Variants in JAKMIP3 observed in about 807,000 individuals in gnomAD.
JAKMIP3 encodes the protein janus kinase and microtubule-interacting protein 3.
JAKMIP3 carries 58 observed loss-of-function variants against 118.5 expected under a neutral mutation model. That is an observed-to-expected ratio of 0.49 (90% CI 0.40 to 0.61). JAKMIP3 has a LOEUF of 0.61. Ranked by LOEUF, JAKMIP3 falls within the 20% of genes least tolerant of loss-of-function variation. The probability of loss-of-function intolerance (pLI) is 0.00; values close to 1 mark genes in which losing one functional copy is unlikely to be tolerated. For missense variants in JAKMIP3, 950 were observed against 1,109.0 expected (o/e 0.86, Z 2.04); for synonymous variants, 486 against 451.2 (o/e 1.08, Z -0.98).
chr10:132,180,748 C>CGCGTGT (rs1554963413), intron 23 of JAKMIP3, among the ~76,000 whole-genome samples: 4 of 8,322 alleles, frequency 4.8e-4, no homozygotes, highest in Non-Finnish European at 7.8e-4. Flanking sequence ...CGTGCGTGCG[C>CGCGTGT]GCGCGTGTGT....
intron 5 of JAKMIP3, among the ~76,000 whole-genome samples, chr10:132,135,717 G>C (rs558393522): frequency 6.6e-6 from 1 of 152,194 alleles, no homozygotes; most frequent in African/African-American, 2.4e-5. Flanking sequence ...GGTTCACCTG[G>C]GCACTGGACG....
intron 1 of JAKMIP3, among the ~76,000 whole-genome samples, chr10:132,079,718 C>T (rs1043307431): frequency 6.6e-6 from 1 of 152,198 alleles, no homozygotes; most frequent in African/African-American, 2.4e-5. Context: ...AAAACTGAAA[C>T]TCTGTCCCCA....
At position 132,098,004 on chromosome 10, in the gene JAKMIP3, C is replaced by CTTTCCT. The variant is rs1199956471; in HGVS notation, c.-137-6667_-137-6666insTTCCTT. On this transcript the variant is annotated intron_variant, in intron 1 of 23. Coordinates refer to ENST00000684848, the MANE Select transcript of JAKMIP3 (RefSeq NM_001323087.2). ...CCTTCCCCTTCCCCTTCCCCTTCCCCTCCTTCCTTTTTTTTTTCTTTCTTC... is the reference window on the plus strand; with the variant it reads ...CCTTCCCCTTCCCCTTCCCCTTCCCCTTTCCTTCCTTCCTTTTTTTTTTCTTTCTTC... Among the ~76,000 whole-genome samples, 42 of 49,216 alleles carry CTTTCCT rather than the reference C, an allele frequency of 8.5e-4. 13 individuals are homozygous for CTTTCCT. Among genetic ancestry groups the CTTTCCT allele is most frequent in the Middle Eastern group, 9.3e-3 (1 of 108 alleles). 32.3% of individuals were successfully genotyped at this position (49,216 alleles called of 152,430 possible). A position where few individuals can be genotyped will look rare whatever the true frequency, so the allele number is the denominator to read the frequency against.
chr10:132,134,957 T>C, intron 4 of JAKMIP3, 84 bp from the exon 5 acceptor site: 1 of 1,539,332 alleles, frequency 6.5e-7, no homozygotes. Flanking sequence ...GGCAGCGTTT[T>C]TGTTCCCGTA....
chr10:132,105,638 A>T (rs2045788205), intron 2 of JAKMIP3, among the ~76,000 whole-genome samples: 1 of 152,108 alleles, frequency 6.6e-6, no homozygotes, highest in Non-Finnish European at 1.5e-5. Flanking sequence ...CTCTAGCATG[A>T]CCTTTGCCCT....
At chr10:132,097,967 T>TC (rs2044223491) in intron 1 of JAKMIP3, among the ~76,000 whole-genome samples, 1 of 22,616 alleles carries the variant, frequency 4.4e-5, no homozygotes, top group African/African-American at 1.2e-4. Flanking sequence ...TTCCCTTTCC[T>TC]TCCTTTTCTC....
chr10:132,143,555 T>A (rs1254373624), intron 11 of JAKMIP3, among the ~76,000 whole-genome samples: 1 of 83,878 alleles, frequency 1.2e-5, no homozygotes, highest in Non-Finnish European at 3.4e-5. Flanking sequence ...TAAAAAAAAG[T>A]TTAATGTCAT....
chr10:132,041,991 C>G (rs528752090), intron 1 of JAKMIP3, among the ~76,000 whole-genome samples: 2 of 151,920 alleles, frequency 1.3e-5, no homozygotes, highest in Admixed American at 6.5e-5. Flanking sequence ...CTCAGCCTCC[C>G]GAATAGCTGG....
rs556123152 is a variant in JAKMIP3, at chr10:132,133,212, G to A, written c.634-100G>A. On this transcript the variant is annotated intron_variant, in intron 3 of 23. Transcript: ENST00000684848. ...TCCAGGATGCTTCGCTTTTGCTTCC[G>A]GTCTCAGAGCCCAGAGCCTGGCAGG... 110 of 1,048,208 alleles carry A rather than the reference G, an allele frequency of 1.0e-4. No individual in the cohort carries two copies. In the East Asian group the frequency reaches 1.4e-3, roughly 13 times the overall value. 64.9% of individuals were successfully genotyped at this position (1,048,208 alleles called of 1,614,324 possible).
At chr10:132,106,379 C>T (rs76675060) in intron 2 of JAKMIP3, among the ~76,000 whole-genome samples, 14,615 of 151,500 alleles carry the variant, frequency 0.096, 821 homozygotes, top group East Asian at 0.27. Context: ...CCCACAGCTG[C>T]ACCTGCTCAT....
intron 23 of JAKMIP3, among the ~76,000 whole-genome samples, chr10:132,180,648 T>TGTGC (rs1396437783): frequency 1.2e-4 from 3 of 25,130 alleles, no homozygotes; most frequent in South Asian, 1.3e-3. Context: ...CGTGTGTGCG[T>TGTGC]GTGCGTGTGC....
At chr10:132,161,051 G>A (rs2058171446) in intron 19 of JAKMIP3, among the ~76,000 whole-genome samples, 1 of 126,476 alleles carries the variant, frequency 7.9e-6, no homozygotes, top group Non-Finnish European at 1.7e-5. Context: ...GTGATGCTGG[G>A]GGCGTGTCTT....
chr10:132,042,936 A>AAAAAT (rs1175400657), intron 1 of JAKMIP3, among the ~76,000 whole-genome samples: 1 of 51,088 alleles, frequency 2.0e-5, no homozygotes, highest in Non-Finnish European at 3.6e-5. Context: ...AAAAAAAAAA[A>AAAAAT]AACAAAAATT....
chr10:132,051,996 A>G (rs1041907640), intron 1 of JAKMIP3, among the ~76,000 whole-genome samples: 1 of 152,230 alleles, frequency 6.6e-6, no homozygotes, highest in Non-Finnish European at 1.5e-5. Flanking sequence ...CAGAGGCAGG[A>G]GGATCATTTG....
intron 1 of JAKMIP3, among the ~76,000 whole-genome samples, chr10:132,073,775 G>A (rs180916446): frequency 7.9e-5 from 12 of 152,234 alleles, no homozygotes; most frequent in African/African-American, 2.9e-4. Flanking sequence ...TAGGATTACA[G>A]GTGTGAGCCA....
At chr10:132,156,770 T>C (rs1211917076) in intron 19 of JAKMIP3, among the ~76,000 whole-genome samples, 1 of 152,066 alleles carries the variant, frequency 6.6e-6, no homozygotes, top group African/African-American at 2.4e-5. Context: ...GGGTGATGCA[T>C]AGGTGAAGAG....
At chr10:132,065,852 G>C (rs2038687843), upstream of JAKMIP3, among the ~76,000 whole-genome samples, 1 of 152,150 alleles carries the variant, frequency 6.6e-6, no homozygotes, top group African/African-American at 2.4e-5. The surrounding 1 kb of genome is among the most constrained non-coding windows in gnomAD (Gnocchi z 5.6). Context: ...GGCTCTGCTT[G>C]GAAACAGCTC....
chr10:132,056,667 C>A (rs115681591), intron 1 of JAKMIP3, among the ~76,000 whole-genome samples: 3 of 152,180 alleles, frequency 2.0e-5, no homozygotes, highest in Non-Finnish European at 2.9e-5. Flanking sequence ...GTGAGGCCAC[C>A]GAAGCTGCCA....
intron 3 of JAKMIP3, among the ~76,000 whole-genome samples, chr10:132,120,184 G>A (rs1001093939): frequency 2.0e-5 from 3 of 152,224 alleles, no homozygotes; most frequent in Non-Finnish European, 4.4e-5. Flanking sequence ...AGAATCCATA[G>A]ATTTGGGACA....
Sources: gnomAD v4.1 joint callset for allele counts (sites outside exome capture counted in the v4.1 genomes callset) on GRCh38, gnomAD v4.1.1 for gene constraint, Gnocchi (gnomAD v3.1) non-coding constraint, MANE v1.5 for transcripts, NCBI Gene and HGNC (gene_info 2026-07-23, HGNC 2026-07-21) for gene names.